The following NPEPL1 variants were observed in gnomAD, a reference collection of about 807,000 sequenced individuals.
NPEPL1 encodes the protein aminopeptidase like 1.
In NPEPL1, 45 loss-of-function variants were observed where a neutral mutation model predicts 52.4. The ratio of observed to expected loss-of-function variants is 0.86; its 90% CI spans 0.68 to 1.10. The LOEUF (loss-of-function observed/expected upper bound fraction) is 1.10, where lower values mean the gene tolerates loss of function less well. Among genes scored for constraint, NPEPL1 ranks in the 50% least tolerant of loss-of-function variants. The pLI, the probability that NPEPL1 is intolerant of heterozygous loss-of-function variation, is 0.00. For synonymous variants in NPEPL1, 360 were observed against 314.7 expected, an observed-to-expected ratio of 1.14 and a Z score of -1.52; for missense variants, 696 against 710.9, an observed-to-expected ratio of 0.98 and a Z score of 0.24.
At chr20:58,714,955 G>A (rs2084924276) in intron 11 of NPEPL1, 1 of 635,036 alleles carries the variant, frequency 1.6e-6, no homozygotes, top group Non-Finnish European at 2.7e-6. Flanking sequence ...AGCACACAGG[G>A]CCTTGCCCCC....
At chr20:58,715,093 G>A (rs1380072991) in intron 11 of NPEPL1, 75 bp from the exon 12 acceptor site, 4 of 1,468,336 alleles carry the variant, frequency 2.7e-6, no homozygotes, top group Non-Finnish European at 3.6e-6. Flanking sequence ...GGACCCAGGA[G>A]GTGAGGGGTC....
intron 8 of NPEPL1, 97 bp downstream of exon 8, chr20:58,712,676 A>C: frequency 1.1e-6 from 1 of 914,018 alleles, no homozygotes; most frequent in Non-Finnish European, 1.8e-6. Flanking sequence ...TCGGGAGGGC[A>C]CTCAGCGTTG....
At chr20:58,691,869 C>T (rs1017435265), upstream of NPEPL1, 4 of 1,220,730 alleles carry the variant, frequency 3.3e-6, no homozygotes, top group Non-Finnish European at 3.5e-6. Context: ...CTGGGTGGAG[C>T]TTCCCCAATG....
At position 58,707,210 on chromosome 20, in the gene NPEPL1, C is replaced by T. The variant is rs1331272532; in HGVS notation, c.900+10C>T. The T allele has an allele frequency of 1.3e-6, 2 of 1,545,954 alleles. No individual in the cohort carries two copies. Among genetic ancestry groups the T allele is most frequent in the African/African-American group, 1.4e-5 (1 of 73,056 alleles). On this transcript the variant is annotated intron_variant, in intron 7 of 11. Coordinates refer to ENST00000356091, the MANE Select transcript of NPEPL1 (RefSeq NM_024663.4). ...AGCCGCAATCAAGCAGGTGAGTGGG[C>T]CCTGCCCGCCCTCTGCAGGGGCATC...
Position 58,715,185 on chromosome 20 carries a change from C to A in NPEPL1, c.1431C>A (p.Gly477=). The change falls in exon 12 of 12, where the codon GGC becomes GGA. Residue 477 remains glycine (G), a synonymous_variant. Coordinates refer to ENST00000356091, the MANE Select transcript of NPEPL1 (RefSeq NM_024663.4). Reference sequence around the variant, plus strand: ...GCTTGCAGGGTGAGCGAGCCACAGGCTTCGGTGTGGCCCTCCTGCTGGCGC... The same window carrying A: ...GCTTGCAGGGTGAGCGAGCCACAGGATTCGGTGTGGCCCTCCTGCTGGCGC... ...APVHAGERAT[G]FGVALLLALF... 6.2e-7 allele frequency: 1 copy of A among 1,606,454 alleles called. No individual in the cohort carries two copies. Among genetic ancestry groups the A allele is most frequent in the Non-Finnish European group, 8.5e-7 (1 of 1,178,152 alleles).
chr20:58,704,441 ATT>A, intron 6 of NPEPL1: 1 of 893,286 alleles, frequency 1.1e-6, no homozygotes, highest in Non-Finnish European at 1.3e-6. Context: ...GTCTATTGAT[ATT>A]TACTCTACTG....
At chr20:58,696,456 GCA>G (rs1364821383) in intron 3 of NPEPL1, among the ~76,000 whole-genome samples, 1 of 152,346 alleles carries the variant, frequency 6.6e-6, no homozygotes, top group Non-Finnish European at 1.5e-5. Flanking sequence ...CTGGTCTTGT[GCA>G]CAGTGATCCC....
chr20:58,713,191 G>C lies in NPEPL1; in HGVS notation c.1002-229G>C. The C allele has an allele frequency of 1.9e-6, 1 of 521,480 alleles. No individual in the cohort carries two copies. The highest frequency in any genetic ancestry group is 3.4e-6 in the Non-Finnish European group (1 of 296,386). The allele number at this position is 521,480 out of a possible 1,614,324, so 32.3% of individuals were successfully genotyped here. A position where few individuals can be genotyped will look rare whatever the true frequency, so the allele number is the denominator to read the frequency against. On this transcript the variant is annotated intron_variant, in intron 8 of 11. Coordinates refer to ENST00000356091, the MANE Select transcript of NPEPL1 (RefSeq NM_024663.4). The surrounding 1 kb of genome is among the most constrained non-coding windows in gnomAD (Gnocchi z 4.6). ...TGGGAGAGCCAAATGGCTGGTCTCT[G>C]GCTCTCCAGAGCAGCGGGGCAGGGA...
Position 58,692,843 on chromosome 20 carries a change from G to A in NPEPL1, c.-58G>A. 1 of 986,494 alleles carries A rather than the reference G, an allele frequency of 1.0e-6. No homozygotes were observed. Among genetic ancestry groups the A allele is most frequent in the Non-Finnish European group, 1.2e-6 (1 of 831,344 alleles). 61.1% of individuals were successfully genotyped at this position (986,494 alleles called of 1,614,324 possible). A position where few individuals can be genotyped will look rare whatever the true frequency, so the allele number is the denominator to read the frequency against. ...AGGCCGGGCCGGAGCGGGGCGAAGG[G>A]GGCCGAGCGGCGGGCCGGGCCGGGC... On this transcript the variant is annotated 5_prime_UTR_variant, in exon 1 of 12. Coordinates refer to ENST00000356091, the MANE Select transcript of NPEPL1 (RefSeq NM_024663.4). This position sits in a 1 kb window ranked among gnomAD's most constrained non-coding sequence, Gnocchi z 5.7.
At chr20:58,708,318 C>T (rs2084774579) in intron 7 of NPEPL1, among the ~76,000 whole-genome samples, 1 of 152,248 alleles carries the variant, frequency 6.6e-6, no homozygotes, top group Admixed American at 6.5e-5. Flanking sequence ...TGGCCGTGCA[C>T]ATTCCAGACT....
At position 58,693,939 on chromosome 20, in the gene NPEPL1, G is replaced by C; in HGVS notation, c.336+17G>C. 6 of 1,545,402 alleles carry C rather than the reference G, an allele frequency of 3.9e-6. No homozygotes were observed. Among genetic ancestry groups the C allele is most frequent in the Non-Finnish European group, 3.5e-6 (4 of 1,140,438 alleles). On this transcript the variant is annotated intron_variant, in intron 2 of 11. Transcript: ENST00000356091. ...TGCATTGTGGTGAGTGCTTCGAGAG[G>C]AGGCAGCCACGGTGCTCCTAGTCGG...
rs1309164544 is a variant in NPEPL1, at chr20:58,692,854, CGGGCCGGGCCGGGCCGGGCA to C, written c.-38_-19del. ...GAGCGGGGCGAAGGGGGCCGAGCGG[CGGGCCGGGCCGGGCCGGGCA>C]GGGCCGGGGCGTGGGCCGGCAGGAA... On this transcript the variant is annotated 5_prime_UTR_variant, in exon 1 of 12. Transcript: ENST00000356091. This position sits in a 1 kb window ranked among gnomAD's most constrained non-coding sequence, Gnocchi z 5.7. The C allele has an allele frequency of 2.5e-5, 25 of 983,716 alleles. No homozygotes were observed. Among genetic ancestry groups the C allele is most frequent in the Non-Finnish European group, 2.7e-5 (22 of 827,972 alleles). 60.9% of individuals were successfully genotyped at this position (983,716 alleles called of 1,614,324 possible).
intron 7 of NPEPL1, among the ~76,000 whole-genome samples, chr20:58,707,894 C>T (rs1209904892): frequency 6.6e-6 from 1 of 152,190 alleles, no homozygotes; most frequent in Non-Finnish European, 1.5e-5. Flanking sequence ...CCCATAGCAA[C>T]CTTGCAAGAC....
Position 58,713,654 on chromosome 20 carries a change from A to G in NPEPL1, c.1125+111A>G. The G allele has an allele frequency of 5.0e-6, 7 of 1,387,350 alleles. No homozygotes were observed. In the South Asian group the frequency reaches 1.1e-4, roughly 21 times the overall value. The allele number at this position is 1,387,350 out of a possible 1,614,324, so 85.9% of individuals were successfully genotyped here. A position where few individuals can be genotyped will look rare whatever the true frequency, so the allele number is the denominator to read the frequency against. ...TGGGGGCTGCCGTCAGGAAGTTTTC[A>G]TAACTGGGCACGAGGAGGCAGGAGG... On this transcript the variant is annotated intron_variant, in intron 9 of 11. Transcript: ENST00000356091. This position sits in a 1 kb window ranked among gnomAD's most constrained non-coding sequence, Gnocchi z 4.6.
chr20:58,691,542 T>G, upstream of NPEPL1: 1 of 653,860 alleles, frequency 1.5e-6, no homozygotes, highest in African/African-American at 1.8e-5. Flanking sequence ...CAGACAGACC[T>G]GGAGCCTGTG....
chr20:58,706,835 C>A (rs563897193), intron 6 of NPEPL1, among the ~76,000 whole-genome samples: 25 of 152,344 alleles, frequency 1.6e-4, no homozygotes, highest in Non-Finnish European at 2.9e-4. Context: ...TCCTCGGGTT[C>A]CCCCTCCGTG....
intron 10 of NPEPL1, chr20:58,714,349 C>T: frequency 3.3e-6 from 2 of 602,402 alleles, no homozygotes; most frequent in Non-Finnish European, 5.7e-6. Context: ...CCATCAGGCC[C>T]TTTGCTGGCT....
Position 58,715,632 on chromosome 20 carries a change from G to A in NPEPL1, c.*306G>A. ...AGGCCTCCTGCCTGCCTGGTGCCCTGTCCCAGCCCCAGGTCCTGTGCAGGG... is the reference window on the plus strand; with the variant it reads ...AGGCCTCCTGCCTGCCTGGTGCCCTATCCCAGCCCCAGGTCCTGTGCAGGG... On this transcript the variant is annotated 3_prime_UTR_variant, in exon 12 of 12. Coordinates refer to ENST00000356091, the MANE Select transcript of NPEPL1 (RefSeq NM_024663.4). The A allele has an allele frequency of 3.9e-6, 1 of 256,718 alleles. No individual in the cohort carries two copies. The highest frequency in any genetic ancestry group is 5.6e-5 in the South Asian group (1 of 17,976). 15.9% of individuals were successfully genotyped at this position (256,718 alleles called of 1,614,324 possible).
chr20:58,699,220 G>T lies in NPEPL1; in HGVS notation c.621G>T (p.Glu207Asp). 1 of 1,603,238 alleles carries T rather than the reference G, an allele frequency of 6.2e-7. No homozygotes were observed. The change falls in exon 5 of 12, where the codon GAG becomes GAT. Residue 207 changes from glutamate (E) to aspartate (D), a missense_variant. Physicochemically the swap from Glu to Asp is conservative, Grantham distance 45 (BLOSUM62 2). Transcript: ENST00000356091. ...FLEEINKVGK[E>D]LGIIPTIIRD... is the part of the protein sequence containing the mutation. Reference sequence around the variant, plus strand: ...AGGAGATTAACAAAGTTGGAAAGGAGCTGGGGATCATCCCAACCATCATCC... The same window carrying T: ...AGGAGATTAACAAAGTTGGAAAGGATCTGGGGATCATCCCAACCATCATCC...
Sources: gnomAD v4.1 joint callset for allele counts (sites outside exome capture counted in the v4.1 genomes callset) on GRCh38, gnomAD v4.1.1 for gene constraint, Gnocchi (gnomAD v3.1) non-coding constraint, MANE v1.5 for transcripts, NCBI Gene and HGNC (gene_info 2026-07-23, HGNC 2026-07-21) for gene names.